CDYL: variants seen among roughly 807,000 people sequenced by gnomAD.
CDYL encodes chromodomain Y like.
Under a neutral mutation model 47.3 loss-of-function variants are expected in CDYL, and 8 were observed. That is an observed-to-expected ratio of 0.17 (90% confidence interval 0.10 to 0.31). The LOEUF (loss-of-function observed/expected upper bound fraction) is 0.31. Ranked by LOEUF, CDYL falls within the 10% of genes least tolerant of loss-of-function variation. The pLI is 1.00. For synonymous variants in CDYL, 266 were observed against 265.0 expected (o/e 1.00, Z -0.04); for missense variants, 471 against 701.4 (o/e 0.67, Z 3.71).
chr6:4,742,602 A>G (rs1757816942), intron 3 of CDYL, among the ~76,000 whole-genome samples: 1 of 152,166 alleles, frequency 6.6e-6, no homozygotes, highest in African/African-American at 2.4e-5. Flanking sequence ...AAGAAAAAGG[A>G]AGAGAGAAAT....
At chr6:4,900,224 G>T (rs912406077) in intron 2 of CDYL, among the ~76,000 whole-genome samples, 1 of 151,948 alleles carries the variant, frequency 6.6e-6, no homozygotes, top group Non-Finnish European at 1.5e-5. Flanking sequence ...CTTAGCATTT[G>T]CTCTTTTTAT....
At chr6:4,828,449 T>G (rs1441047088) in intron 1 of CDYL, among the ~76,000 whole-genome samples, 1 of 152,054 alleles carries the variant, frequency 6.6e-6, no homozygotes, top group Non-Finnish European at 1.5e-5. Flanking sequence ...GTTGTTCCAT[T>G]GATTTCTACC....
chr6:4,945,428 T>C (rs1170573941), intron 5 of CDYL, among the ~76,000 whole-genome samples: 8 of 152,076 alleles, frequency 5.3e-5, no homozygotes, highest in Admixed American at 2.0e-4. Context: ...GCCCTGCTCC[T>C]CACCTTCTCA....
At chr6:4,905,881 G>C (rs79068719) in intron 2 of CDYL, among the ~76,000 whole-genome samples, 1,934 of 152,148 alleles carry the variant, frequency 0.013, 37 homozygotes, top group African/African-American at 0.045. Flanking sequence ...GGGCTTTTAG[G>C]GGATCCCTCA....
intron 2 of CDYL, among the ~76,000 whole-genome samples, chr6:4,922,714 A>G (rs1202435409): frequency 6.6e-6 from 1 of 152,206 alleles, no homozygotes; most frequent in African/African-American, 2.4e-5. Context: ...ATTTATGGGA[A>G]TTGTTACTGC....
intron 3 of CDYL, among the ~76,000 whole-genome samples, chr6:4,735,887 G>A (rs1202104494): frequency 7.3e-6 from 1 of 136,224 alleles, no homozygotes; most frequent in Non-Finnish European, 1.6e-5. Flanking sequence ...CTGTATTTAT[G>A]TGCATGTGTG....
chr6:4,925,412 T>TC (rs1197294122), intron 2 of CDYL, among the ~76,000 whole-genome samples: 8 of 125,824 alleles, frequency 6.4e-5, no homozygotes, highest in African/African-American at 1.1e-4. Flanking sequence ...CTTTTTTCTT[T>TC]TTTTTTTTTT....
At chr6:4,864,489 T>G (rs879548586) in intron 1 of CDYL, among the ~76,000 whole-genome samples, 2 of 152,190 alleles carry the variant, frequency 1.3e-5, no homozygotes, top group Non-Finnish European at 2.9e-5. Context: ...AACTTTAGAT[T>G]TTAATAGATA....
chr6:4,752,836 A>ATGTGTGTGTGTGTGTGTG (rs35686534), intron 3 of CDYL, among the ~76,000 whole-genome samples: 3,393 of 148,768 alleles, frequency 0.023, 119 homozygotes, highest in African/African-American at 0.077. Context: ...AAGGAAAATA[A>ATGTGTGTGTGTGTGTGTG]TGTGTGTGTG....
At chr6:4,725,891 C>G (rs1030662862) in intron 2 of CDYL, among the ~76,000 whole-genome samples, 1 of 152,226 alleles carries the variant, frequency 6.6e-6, no homozygotes, top group Non-Finnish European at 1.5e-5. Context: ...GTGAGCATCT[C>G]TGTGCTTTTC....
At chr6:4,946,053 G>A (rs776978596) in intron 5 of CDYL, among the ~76,000 whole-genome samples, 1 of 152,202 alleles carries the variant, frequency 6.6e-6, no homozygotes, top group Non-Finnish European at 1.5e-5. Flanking sequence ...CTTGTGGGCC[G>A]ATCACATTGG....
At chr6:4,769,942 G>A (rs991345152) in intron 3 of CDYL, among the ~76,000 whole-genome samples, 13 of 151,484 alleles carry the variant, frequency 8.6e-5, no homozygotes, top group African/African-American at 2.7e-4. Flanking sequence ...GACTACAGGC[G>A]ACCGCCACCA....
chr6:4,735,073 G>A (rs1480164919), intron 3 of CDYL, among the ~76,000 whole-genome samples: 1 of 152,078 alleles, frequency 6.6e-6, no homozygotes, highest in African/African-American at 2.4e-5. Flanking sequence ...GATCAGCTGA[G>A]GTCGGGAGTT....
rs939679080 is a variant in CDYL, at chr6:4,761,493, G to A, written c.186+26649G>A. 5.9e-5 allele frequency among the ~76,000 whole-genome samples: 9 copies of A among 152,044 alleles called. No homozygotes were observed. In the South Asian group the frequency reaches 8.3e-4, roughly 14 times the overall value. ...TGAGTAGCTGAGATTACAGGCGTCC[G>A]CCACCACGCCCGGCTAATTTTTCTA... On this transcript the variant is annotated intron_variant, in intron 3 of 8. Transcript: ENST00000328908.
At chr6:4,777,195 A>G (rs796418460) in intron 1 of CDYL, among the ~76,000 whole-genome samples, 3 of 151,850 alleles carry the variant, frequency 2.0e-5, no homozygotes, top group African/African-American at 7.3e-5. Flanking sequence ...ATCATTTGAT[A>G]AAGCATTTGG....
chr6:4,896,379 A>T (rs977577281), intron 2 of CDYL, among the ~76,000 whole-genome samples: 1 of 152,218 alleles, frequency 6.6e-6, no homozygotes. Flanking sequence ...TTTCCAGACT[A>T]AATCGAACTG....
chr6:4,852,484 CT>C (rs1760871157), intron 1 of CDYL, among the ~76,000 whole-genome samples: 1 of 121,240 alleles, frequency 8.2e-6, no homozygotes, highest in Admixed American at 8.8e-5. Context: ...TCCTTCCTTC[CT>C]TCCTTCCAAT....
At chr6:4,737,768 A>AC (rs1757729143) in intron 3 of CDYL, among the ~76,000 whole-genome samples, 1 of 152,012 alleles carries the variant, frequency 6.6e-6, no homozygotes, top group Admixed American at 6.6e-5. Context: ...CTCATGATCC[A>AC]CCCACTTTGG....
intron 1 of CDYL, among the ~76,000 whole-genome samples, chr6:4,862,962 C>G: frequency 6.6e-6 from 1 of 152,132 alleles, no homozygotes; most frequent in Non-Finnish European, 1.5e-5. Context: ...AAGTGCCTAT[C>G]AACAGTGTAC....
Sources: allele counts gnomAD v4.1 joint callset (sites outside exome capture counted in the v4.1 genomes callset), GRCh38; gene constraint gnomAD v4.1.1; transcripts MANE v1.5; gene names NCBI Gene and HGNC (gene_info 2026-07-23, HGNC 2026-07-21).